The following ORC6 variants were observed in gnomAD, a reference collection of about 807,000 sequenced individuals.
ORC6 encodes origin recognition complex, subunit 6 homolog-like (yeast).
In ORC6, 31 loss-of-function variants were observed where a neutral mutation model predicts 30.0. The observed-to-expected ratio is 1.03, with a 90% confidence interval of 0.78 to 1.40. ORC6 has a LOEUF of 1.40. Among genes scored for constraint, ORC6 ranks in the 40% most tolerant of loss-of-function variants. The pLI, the probability that ORC6 is intolerant of heterozygous loss-of-function variation, is 0.00. For synonymous variants in ORC6, 136 were observed against 111.2 expected, an observed-to-expected ratio of 1.22 and a Z score of -1.40; for missense variants, 340 against 304.3, an observed-to-expected ratio of 1.12 and a Z score of -0.87.
At chr16:46,689,898 G>T (rs1035428469) in intron 1 of ORC6, 128 bp downstream of exon 1, 18 of 1,339,658 alleles carry the variant, frequency 1.3e-5, no homozygotes, top group Non-Finnish European at 1.8e-5. Context: ...GCCGGGCGGG[G>T]TTTAGGGCCT....
In ORC6 at chr16:46,693,095, A is replaced by G. The variant is rs769905611; in HGVS notation, c.362A>G (p.Tyr121Cys). ...VNMASKILKS[Y>C]ESSLPQTQQV... ...TTCTGCAATAACTTCTCCTTTAGCT[A>G]TGAGTCCAGTCTTCCCCAGACACAG... The change falls in exon 4 of 7, where the codon TAT becomes TGT. Residue 121 changes from tyrosine to cysteine, a missense_variant and splice_region_variant. Transcript: ENST00000219097. The G allele has an allele frequency of 1.5e-5, 24 of 1,598,332 alleles. No homozygotes were observed. In the East Asian group the frequency reaches 1.8e-4, roughly 12 times the overall value.
At chr16:46,693,355 A>T in intron 4 of ORC6, 173 bp downstream of exon 4, 1 of 621,288 alleles carries the variant, frequency 1.6e-6, no homozygotes, top group Non-Finnish European at 2.9e-6. Context: ...TAATGTAGCT[A>T]ACAACTTGGA....
chr16:46,690,879 A>G, intron 1 of ORC6, 112 bp from the exon 2 acceptor site: 1 of 1,107,072 alleles, frequency 9.0e-7, no homozygotes, highest in Admixed American at 1.7e-5. Context: ...CAGATAAACG[A>G]GCCACAGGAG....
chr16:46,691,980 T>TCTCTCTCTCTCTCTCTCTCTCTCTCCCCC (rs1966449087), intron 2 of ORC6, among the ~76,000 whole-genome samples: 1 of 147,920 alleles, frequency 6.8e-6, no homozygotes, highest in African/African-American at 2.5e-5. Flanking sequence ...TCTCTCTCTC[T>TCTCTCTCTCTCTCTCTCTCTCTCTCCCCC]CACCACCCCG....
chr16:46,693,309 A>T (rs529806410), intron 4 of ORC6, 127 bp downstream of exon 4: 2 of 698,068 alleles, frequency 2.9e-6, no homozygotes, highest in Non-Finnish European at 2.6e-6. Context: ...AATATTAGGA[A>T]TATTGGCCAA....
rs1201817784 is a variant in ORC6, at chr16:46,697,881, A to G, written c.*296A>G. ...TGTAATCCCAGCACTTTGGGAGGCC[A>G]AGGTGGGTGGATCACCTGAGGTCAG... On this transcript the variant is annotated 3_prime_UTR_variant, in exon 7 of 7. Coordinates refer to ENST00000219097, the MANE Select transcript of ORC6 (RefSeq NM_014321.4). 1 of 476,102 alleles carries G rather than the reference A, an allele frequency of 2.1e-6. No individual in the cohort carries two copies. The highest frequency in any genetic ancestry group is 4.1e-6 in the Non-Finnish European group (1 of 241,570). 29.5% of individuals were successfully genotyped at this position (476,102 alleles called of 1,614,324 possible).
chr16:46,691,958 A>ACACACACTCT, intron 2 of ORC6, among the ~76,000 whole-genome samples: 56 of 36,662 alleles, frequency 1.5e-3, no homozygotes, highest in African/African-American at 3.4e-3. Context: ...ACACACACAC[A>ACACACACTCT]CTCTCTCTCT....
chr16:46,692,618 C>T, intron 3 of ORC6, 73 bp downstream of exon 3: 1 of 1,408,662 alleles, frequency 7.1e-7, no homozygotes. Context: ...GCCTGTAATC[C>T]CAGCACTTTG....
intron 3 of ORC6, 36 bp downstream of exon 3, chr16:46,692,581 A>G (rs1172327556): frequency 6.3e-7 from 1 of 1,588,706 alleles, no homozygotes. Context: ...GAAAATGTAT[A>G]CCAATAGGCC....
chr16:46,689,690 C>G lies in ORC6; in HGVS notation c.-16C>G, dbSNP rs778897686. 2.4e-4 allele frequency: 378 copies of G among 1,597,138 alleles called. 1 individual carries two copies. The highest frequency in any genetic ancestry group is 1.5e-5 in the Non-Finnish European group (18 of 1,171,706). ...CCGCGGCGTTCACGGGAATTGTTCG[C>G]TTTAGTGCCGGCGCCATGGGGTCGG... On this transcript the variant is annotated 5_prime_UTR_variant, in exon 1 of 7. Transcript: ENST00000219097.
intron 3 of ORC6, 25 bp from the exon 4 acceptor site, chr16:46,693,068 A>AT: frequency 7.0e-7 from 1 of 1,426,994 alleles, no homozygotes; most frequent in African/African-American, 1.4e-5. Flanking sequence ...TCTAACAGAT[A>AT]ATTCTGCAAT....
rs573821289 is a variant in ORC6 at position 46,697,628 on chromosome 16, T to C, written c.*43T>C. On this transcript the variant is annotated 3_prime_UTR_variant, in exon 7 of 7. Transcript: ENST00000219097. ...GTATACATTCCAAACTGATAGTACA[T>C]TGCCATCTCCAGGAAGACTTGACGG... The C allele has an allele frequency of 1.3e-6, 2 of 1,594,912 alleles. No homozygotes were observed. Among genetic ancestry groups the C allele is most frequent in the African/African-American group, 1.3e-5 (1 of 74,612 alleles).
chr16:46,692,567 A>C (rs1250326629), intron 3 of ORC6, 22 bp downstream of exon 3: 1 of 1,606,600 alleles, frequency 6.2e-7, no homozygotes, highest in Non-Finnish European at 8.5e-7. Flanking sequence ...AGAGAACCTT[A>C]ATTGAAAATG....
At chr16:46,690,116 C>T (rs1012046524) in intron 1 of ORC6, among the ~76,000 whole-genome samples, 1 of 152,254 alleles carries the variant, frequency 6.6e-6, no homozygotes, top group Admixed American at 6.5e-5. Flanking sequence ...ACCCCGCTGT[C>T]TGTAAGGGCG....
Position 46,697,825 on chromosome 16 carries a change from G to A in ORC6, c.*240G>A, listed in dbSNP as rs1341649612. Reference sequence around the variant, plus strand: ...GCCTTATGTGCTTTCCTACAAAATGGAATTGGAGGCCGGGCGCAGTGGCTC... The same window carrying A: ...GCCTTATGTGCTTTCCTACAAAATGAAATTGGAGGCCGGGCGCAGTGGCTC... On this transcript the variant is annotated 3_prime_UTR_variant, in exon 7 of 7. Coordinates refer to ENST00000219097, the MANE Select transcript of ORC6 (RefSeq NM_014321.4). 2 of 600,274 alleles carry A rather than the reference G, an allele frequency of 3.3e-6. No individual in the cohort carries two copies. The highest frequency in any genetic ancestry group is 3.6e-5 in the African/African-American group (2 of 54,816). 37.2% of individuals were successfully genotyped at this position (600,274 alleles called of 1,614,324 possible).
In ORC6 at chr16:46,696,022, C is replaced by T. The variant is rs910278109; in HGVS notation, c.568C>T (p.Pro190Ser). 3 of 1,611,388 alleles carry T rather than the reference C, an allele frequency of 1.9e-6. No homozygotes were observed. In the South Asian group the frequency reaches 3.3e-5, roughly 18 times the overall value. The change falls in exon 6 of 7, where the codon CCT (proline) becomes TCT (serine). Residue 190 changes from proline (P) to serine (S), a missense_variant. By Grantham distance (74) the Pro-to-Ser change is moderately conservative. Transcript: ENST00000219097. The part of the protein sequence containing the change: ...EKIGQQVDRE[P>S]GDVATPPRKR... The stretch of plus-strand genomic sequence containing the variant: ...CTTGATAACACTTCTTAAAGGAGAA[C>T]CTGGAGATGTAGCTACTCCACCACG...
At chr16:46,695,877 C>G (rs976605562) in intron 5 of ORC6, 140 bp from the exon 6 acceptor site, 1 of 775,214 alleles carries the variant, frequency 1.3e-6, no homozygotes, top group Middle Eastern at 3.1e-4. Context: ...ACAAGAGGCC[C>G]AAAAGAGAGG....
Position 46,695,612 on chromosome 16 carries a change from T to G in ORC6, c.500T>G (p.Val167Gly), listed in dbSNP as rs755137250. Residue 167 changes from valine to glycine, a missense_variant, in exon 5 of 7, where the codon GTA (valine) becomes GGA (glycine). Transcript: ENST00000219097. ...AACAAAATGGTAGCCACATCCGGTG[T>G]AAAAAAAGCTATATTTGATCGACTG... is the stretch of plus-strand genomic sequence containing the variant. ...DKNKMVATSG[V>G]KKAIFDRLCK... 1.9e-6 allele frequency: 3 copies of G among 1,613,692 alleles called. No homozygotes were observed. The highest frequency in any genetic ancestry group is 3.3e-5 in the Admixed American group (2 of 59,998).
At chr16:46,696,224 G>A in intron 6 of ORC6, 139 bp downstream of exon 6, 3 of 708,350 alleles carry the variant, frequency 4.2e-6, no homozygotes, top group Admixed American at 4.0e-5. Flanking sequence ...AGTTTTCCAA[G>A]CAATCAGTAA....
Sources: gnomAD v4.1 joint callset for allele counts (sites outside exome capture counted in the v4.1 genomes callset) on GRCh38, gnomAD v4.1.1 for gene constraint, MANE v1.5 for transcripts, NCBI Gene and HGNC (gene_info 2026-07-23, HGNC 2026-07-21) for gene names.